Variants in COL19A1 observed in about 807,000 individuals in gnomAD.
COL19A1 encodes collagen type XIX alpha 1 chain.
In COL19A1, 159 loss-of-function variants were observed where a neutral mutation model predicts 190.2. The observed-to-expected ratio is 0.84, with a 90% CI of 0.73 to 0.95. COL19A1 has a LOEUF of 0.95. Ranked by LOEUF, COL19A1 falls within the 40% of genes least tolerant of loss-of-function variation. The pLI is 0.00. For missense variants in COL19A1, 1,418 were observed against 1,431.9 expected (o/e 0.99, Z 0.16); for synonymous variants, 509 against 458.9 (o/e 1.11, Z -1.39).
intron 42 of COL19A1, among the ~76,000 whole-genome samples, chr6:70,179,234 A>G (rs138467631): frequency 1.6e-4 from 25 of 152,292 alleles, no homozygotes; most frequent in Middle Eastern, 6.8e-3. Context: ...TCTAAGCAGC[A>G]AGTTGAAAAA....
chr6:69,966,191 G>A (rs1775086930), intron 11 of COL19A1, among the ~76,000 whole-genome samples: 1 of 152,008 alleles, frequency 6.6e-6, no homozygotes, highest in Non-Finnish European at 1.5e-5. Context: ...CGTGCGGGAG[G>A]TGGGGGGCAC....
chr6:70,126,883 A>G (rs1285833095), intron 17 of COL19A1, among the ~76,000 whole-genome samples: 1 of 152,210 alleles, frequency 6.6e-6, no homozygotes, highest in Non-Finnish European at 1.5e-5. Flanking sequence ...AGTGATCTGA[A>G]TGGGTACCTC....
chr6:70,197,131 A>G (rs369902787), intron 48 of COL19A1, among the ~76,000 whole-genome samples: 2 of 152,056 alleles, frequency 1.3e-5, no homozygotes, highest in African/African-American at 4.8e-5. Context: ...CAAATTAAGA[A>G]AAATTGTGAC....
intron 9 of COL19A1, among the ~76,000 whole-genome samples, chr6:69,955,808 AC>A (rs1262246095): frequency 1.2e-4 from 18 of 151,976 alleles, no homozygotes; most frequent in Non-Finnish European, 2.6e-4. Flanking sequence ...AAGACCTATA[AC>A]TTTTTTTCTG....
chr6:69,895,152 A>G (rs1178489247), intron 2 of COL19A1, among the ~76,000 whole-genome samples: 2 of 152,070 alleles, frequency 1.3e-5, no homozygotes, highest in African/African-American at 4.8e-5. Context: ...CTTTTGAGCC[A>G]TGCGTCCTAG....
At chr6:70,064,999 G>A (rs1450708612) in intron 14 of COL19A1, among the ~76,000 whole-genome samples, 6 of 152,180 alleles carry the variant, frequency 3.9e-5, no homozygotes, top group African/African-American at 7.2e-5. Context: ...TCATGGAGAG[G>A]AAGAATCAAT....
At chr6:69,998,655 A>G (rs1310061932) in intron 11 of COL19A1, among the ~76,000 whole-genome samples, 5 of 151,706 alleles carry the variant, frequency 3.3e-5, no homozygotes, top group Admixed American at 2.6e-4. Flanking sequence ...AAAAAAAAAA[A>G]AAAAAAAAGA....
At chr6:70,144,381 T>G in intron 24 of COL19A1, 118 bp downstream of exon 24, 2 of 818,694 alleles carry the variant, frequency 2.4e-6, no homozygotes, top group African/African-American at 1.7e-5. Flanking sequence ...TTGTGCACAT[T>G]AACTACAATG....
intron 12 of COL19A1, among the ~76,000 whole-genome samples, chr6:70,026,381 C>T (rs1778732071): frequency 1.3e-5 from 2 of 152,184 alleles, no homozygotes; most frequent in East Asian, 1.9e-4. Context: ...GAATGTCTAT[C>T]CCTTTGAGGA....
intron 2 of COL19A1, chr6:69,889,793 G>A (rs1769213405): frequency 6.6e-6 from 1 of 152,236 alleles, no homozygotes; most frequent in Non-Finnish European, 1.5e-5. Flanking sequence ...CTGTAAAATG[G>A]ACCAATCAGC....
intron 11 of COL19A1, among the ~76,000 whole-genome samples, chr6:69,971,597 C>A (rs528913079): frequency 1.3e-5 from 2 of 152,282 alleles, no homozygotes; most frequent in Admixed American, 6.5e-5. Flanking sequence ...AAGAAAAACA[C>A]GGACTAGTTC....
intron 11 of COL19A1, among the ~76,000 whole-genome samples, chr6:69,995,751 T>C (rs1776867592): frequency 6.6e-6 from 1 of 152,144 alleles, no homozygotes; most frequent in Non-Finnish European, 1.5e-5. Context: ...ATATATGAAA[T>C]ATGAACCAAG....
Position 69,921,646 on chromosome 6 carries a change from A to G in COL19A1, c.267-6263A>G, listed in dbSNP as rs184135106. ...TATATAGATTCGTATATATTCGTAT[A>G]TAGATTCGTATATATTCGTATGTAG... On this transcript the variant is annotated intron_variant, in intron 4 of 50. Coordinates refer to ENST00000620364, the MANE Select transcript of COL19A1 (RefSeq NM_001858.6). Among the ~76,000 whole-genome samples, 135 of 135,348 alleles carry G rather than the reference A, an allele frequency of 1.0e-3. 2 individuals are homozygous for G. Among genetic ancestry groups the G allele is most frequent in the Middle Eastern group, 4.7e-3 (1 of 214 alleles). 88.8% of individuals were successfully genotyped at this position (135,348 alleles called of 152,430 possible).
At chr6:69,915,055 C>T (rs1771199974) in intron 4 of COL19A1, among the ~76,000 whole-genome samples, 1 of 152,078 alleles carries the variant, frequency 6.6e-6, no homozygotes, top group South Asian at 2.1e-4. Flanking sequence ...TTATCCTTTC[C>T]TTTTTGTATA....
intron 9 of COL19A1, among the ~76,000 whole-genome samples, chr6:69,951,358 A>G (rs1175296835): frequency 6.6e-6 from 1 of 151,960 alleles, no homozygotes; most frequent in Non-Finnish European, 1.5e-5. Flanking sequence ...TGGTATGTAA[A>G]TATTTGGTAA....
Position 70,209,001 on chromosome 6 carries a change from G to A in COL19A1, c.*1727G>A, listed in dbSNP as rs185421001. On this transcript the variant is annotated 3_prime_UTR_variant, in exon 51 of 51. Transcript: ENST00000620364. ...ATTCCAAGTTTATTTATTTTCCAAG[G>A]TTATTTTATTTATTGTAAGCATTTT... is the stretch of plus-strand genomic sequence containing the variant. The A allele has an allele frequency of 6.6e-6, 1 of 151,412 alleles. No homozygotes were observed. Among genetic ancestry groups the A allele is most frequent in the East Asian group, 1.9e-4 (1 of 5,176 alleles). The allele number at this position is 151,412 out of a possible 1,614,324, so 9.4% of individuals were successfully genotyped here.
intron 16 of COL19A1, among the ~76,000 whole-genome samples, chr6:70,103,317 C>A (rs567688369): frequency 6.6e-6 from 1 of 152,112 alleles, no homozygotes; most frequent in South Asian, 2.1e-4. Flanking sequence ...TCAATTTGAA[C>A]CTATATTTTT....
chr6:70,004,987 C>T (rs766635154), intron 11 of COL19A1, among the ~76,000 whole-genome samples: 1 of 152,058 alleles, frequency 6.6e-6, no homozygotes, highest in African/African-American at 2.4e-5. Flanking sequence ...TGCCTGCCAC[C>T]ACACCCAGCT....
chr6:70,018,409 G>C (rs1288762527), intron 11 of COL19A1, among the ~76,000 whole-genome samples: 2 of 152,068 alleles, frequency 1.3e-5, no homozygotes, highest in Non-Finnish European at 2.9e-5. Flanking sequence ...AATAATACCA[G>C]TCTACCCAAT....
Sources: gnomAD v4.1 joint callset for allele counts (sites outside exome capture counted in the v4.1 genomes callset) on GRCh38, gnomAD v4.1.1 for gene constraint, MANE v1.5 for transcripts, NCBI Gene and HGNC (gene_info 2026-07-23, HGNC 2026-07-21) for gene names.